PRPF3: variants seen among roughly 807,000 people sequenced by gnomAD.
PRPF3 encodes pre-mRNA processing factor 3.
In PRPF3, 3 loss-of-function variants were observed where a neutral mutation model predicts 89.2. That is an observed-to-expected ratio of 0.03 (90% confidence interval 0.02 to 0.09). The LOEUF (loss-of-function observed/expected upper bound fraction) is 0.09, where lower values mean the gene tolerates loss of function less well. Ranked by LOEUF, PRPF3 falls within the 10% of genes least tolerant of loss-of-function variation. PRPF3 has a pLI of 1.00. For synonymous variants in PRPF3, 270 were observed against 289.1 expected, an observed-to-expected ratio of 0.93 and a Z score of 0.67; for missense variants, 463 against 828.8, an observed-to-expected ratio of 0.56 and a Z score of 5.42.
chr1:150,348,640 T>G (rs989707642), intron 14 of PRPF3: 4 of 158,524 alleles, frequency 2.5e-5, no homozygotes, highest in Admixed American at 2.4e-4. Flanking sequence ...TTTTTGTATT[T>G]TTAGTAGAGA....
chr1:150,321,618 AG>A (rs1655051326), intron 1 of PRPF3, 26 bp downstream of exon 1: 1 of 152,558 alleles, frequency 6.6e-6, no homozygotes, highest in Non-Finnish European at 1.5e-5. Flanking sequence ...GGGCCCACAG[AG>A]GGTAATTCCA....
intron 11 of PRPF3, 71 bp from the exon 12 acceptor site, chr1:150,344,363 C>G (rs782473768): frequency 9.9e-6 from 16 of 1,613,974 alleles, no homozygotes; most frequent in Middle Eastern, 1.6e-4. Context: ...CCGTTGCTCT[C>G]TCTTTCCCTC....
At chr1:150,351,641 C>T (rs1001931611) in intron 15 of PRPF3, among the ~76,000 whole-genome samples, 2 of 147,844 alleles carry the variant, frequency 1.4e-5, no homozygotes, top group Non-Finnish European at 3.0e-5. Flanking sequence ...TCTGAGACCT[C>T]AGGTCCACAC....
chr1:150,353,082 A>G lies in PRPF3; in HGVS notation c.*103A>G. Reference sequence around the variant, plus strand: ...TCCCACTTGTTTGTGTGATCTCAGAACTGTGCCAAGCAGACACTGGGACAA... The same window carrying G: ...TCCCACTTGTTTGTGTGATCTCAGAGCTGTGCCAAGCAGACACTGGGACAA... On this transcript the variant is annotated 3_prime_UTR_variant, in exon 16 of 16. Coordinates refer to ENST00000324862, the MANE Select transcript of PRPF3 (RefSeq NM_004698.4). 1 of 1,494,968 alleles carries G rather than the reference A, an allele frequency of 6.7e-7. No individual in the cohort carries two copies. The highest frequency in any genetic ancestry group is 9.3e-7 in the Non-Finnish European group (1 of 1,074,194). 92.6% of individuals were successfully genotyped at this position (1,494,968 alleles called of 1,614,324 possible). A position where few individuals can be genotyped will look rare whatever the true frequency, so the allele number is the denominator to read the frequency against.
intron 12 of PRPF3, chr1:150,345,597 C>A (rs782676494): frequency 4.5e-5 from 11 of 243,572 alleles, no homozygotes; most frequent in Non-Finnish European, 8.1e-5. Context: ...GATCTGCCCA[C>A]TTTGGCCTCC....
At chr1:150,340,234 T>C (rs1391012588) in intron 8 of PRPF3, among the ~76,000 whole-genome samples, 164 bp from the exon 9 acceptor site, 2 of 152,312 alleles carry the variant, frequency 1.3e-5, no homozygotes, top group Admixed American at 6.5e-5. Context: ...ATGAAAATTA[T>C]GTGTAATTTA....
At chr1:150,350,327 G>A (rs1035793083) in intron 15 of PRPF3, among the ~76,000 whole-genome samples, 4 of 151,472 alleles carry the variant, frequency 2.6e-5, no homozygotes, top group Admixed American at 6.6e-5. Flanking sequence ...TCGGCCTCCC[G>A]AGTAGCTGGA....
chr1:150,343,231 G>A, intron 9 of PRPF3, 78 bp from the exon 10 acceptor site: 1 of 777,098 alleles, frequency 1.3e-6, no homozygotes, highest in Non-Finnish European at 1.6e-6. Flanking sequence ...GACAGAGTGA[G>A]AGAGAGAAAA....
chr1:150,344,735 G>A (rs1439647691), intron 12 of PRPF3, among the ~76,000 whole-genome samples, 188 bp downstream of exon 12: 2 of 147,590 alleles, frequency 1.4e-5, no homozygotes, highest in Non-Finnish European at 3.0e-5. Context: ...TATGTTTATG[G>A]TTACCCAGTT....
At chr1:150,337,535 T>C (rs1657157674) in intron 7 of PRPF3, among the ~76,000 whole-genome samples, 1 of 151,840 alleles carries the variant, frequency 6.6e-6, no homozygotes, top group Admixed American at 6.6e-5. Flanking sequence ...AAATTTGGGA[T>C]TCTTGGCCGA....
chr1:150,328,469 T>G lies in PRPF3; in HGVS notation c.423+3T>G, dbSNP rs1553864440. 2 of 1,613,372 alleles carry G rather than the reference T, an allele frequency of 1.2e-6. No individual in the cohort carries two copies. The highest frequency in any genetic ancestry group is 2.7e-5 in the African/African-American group (2 of 74,782). ...CTGGCATGCTGACTAAGCTCCAGGT[T>G]AGTGATTAGGGACTGGAAGCAAAGT... is the stretch of plus-strand genomic sequence containing the variant. On this transcript the variant is annotated splice_donor_region_variant and intron_variant, in intron 4 of 15. Transcript: ENST00000324862.
At chr1:150,328,937 C>G (rs1055808564) in intron 4 of PRPF3, among the ~76,000 whole-genome samples, 5 of 152,010 alleles carry the variant, frequency 3.3e-5, no homozygotes, top group Non-Finnish European at 7.4e-5. Context: ...GGTCATCTGC[C>G]CACCTTCGCC....
Position 150,346,426 on chromosome 1 carries a change from A to G in PRPF3, c.1778A>G (p.Lys593Arg). Reference protein sequence around the residue: ...VVEGGPKAQKKFKRLMLHRIK... With the variant: ...VVEGGPKAQKRFKRLMLHRIK... ...TTTCCAGGCCCCAAGGCCCAGAAGA[A>G]ATTTAAGCGTCTTATGCTGCATCGG... The change falls in exon 14 of 16, where the codon AAA (lysine) becomes AGA (arginine). Residue 593 changes from lysine to arginine, a missense_variant. Lys to Arg is a conservative substitution (Grantham distance 26). Around this residue, in one of 8 missense-constraint regions of PRPF3, gnomAD observed 261 missense variants for 475.8 expected, o/e 0.55. Transcript: ENST00000324862. 1 of 1,614,084 alleles carries G rather than the reference A, an allele frequency of 6.2e-7. No homozygotes were observed. The highest frequency in any genetic ancestry group is 1.6e-4 in the Middle Eastern group (1 of 6,062).
intron 3 of PRPF3, chr1:150,327,618 A>C (rs1268348057): frequency 9.1e-6 from 9 of 985,654 alleles, no homozygotes; most frequent in Non-Finnish European, 1.1e-5. Context: ...GAGCCCTCCT[A>C]GTGAAGAGGG....
rs587685463 is a variant in PRPF3 at position 150,344,675 on chromosome 1, G to T, written c.1640+128G>T. The stretch of plus-strand genomic sequence containing the variant: ...TTCCTACTCTCTTTTAATGACCCTA[G>T]TGTGGATCAAGAGCTAGTAAATCTT... On this transcript the variant is annotated intron_variant, in intron 12 of 15. Transcript: ENST00000324862. 11 of 1,005,228 alleles carry T rather than the reference G, an allele frequency of 1.1e-5. No individual in the cohort carries two copies. In the African/African-American group the frequency reaches 1.6e-4, roughly 15 times the overall value. The allele number at this position is 1,005,228 out of a possible 1,614,324, so 62.3% of individuals were successfully genotyped here. A position where few individuals can be genotyped will look rare whatever the true frequency, so the allele number is the denominator to read the frequency against.
At chr1:150,347,452 C>T (rs1658406324) in intron 14 of PRPF3, among the ~76,000 whole-genome samples, 1 of 151,868 alleles carries the variant, frequency 6.6e-6, no homozygotes, top group Non-Finnish European at 1.5e-5. Flanking sequence ...CATTTAAGGC[C>T]AGGCACGGTG....
At chr1:150,343,526 ATC>A (rs1468961402) in intron 10 of PRPF3, 74 bp downstream of exon 10, 17 of 1,557,866 alleles carry the variant, frequency 1.1e-5, no homozygotes, top group Middle Eastern at 1.7e-4. Context: ...GAACTTTAAC[ATC>A]TCTGTGTTTG....
At chr1:150,325,985 A>C in intron 3 of PRPF3, 104 bp downstream of exon 3, 1 of 1,437,804 alleles carries the variant, frequency 7.0e-7, no homozygotes, top group Non-Finnish European at 9.7e-7. Flanking sequence ...TTAGAGCAGC[A>C]AATGTTCAAG....
At chr1:150,337,357 G>A (rs1296319659) in intron 7 of PRPF3, among the ~76,000 whole-genome samples, 2 of 151,960 alleles carry the variant, frequency 1.3e-5, no homozygotes, top group African/African-American at 2.4e-5. Context: ...CTATTTCTGC[G>A]TATTTACTGC....
Sources: gnomAD v4.1 joint callset for allele counts (sites outside exome capture counted in the v4.1 genomes callset) on GRCh38, gnomAD v4.1.1 for gene constraint, gnomAD v4.1.1 regional missense constraint, MANE v1.5 for transcripts, NCBI Gene and HGNC (gene_info 2026-07-23, HGNC 2026-07-21) for gene names.